CLEC9A: variants seen among roughly 807,000 people sequenced by gnomAD.
CLEC9A encodes the protein C-type lectin domain family 9 member A.
A neutral mutation model predicts 30.0 loss-of-function variants in CLEC9A; 24 were observed. That is an observed-to-expected ratio of 0.80 (90% confidence interval 0.58 to 1.13). The LOEUF is 1.13. Ranked by LOEUF, CLEC9A falls within the 50% of genes most tolerant of loss-of-function variation. The probability of loss-of-function intolerance (pLI) is 0.00; values close to 1 mark genes in which losing one functional copy is unlikely to be tolerated. For synonymous variants in CLEC9A, 111 were observed against 96.8 expected (o/e 1.15, Z -0.86); for missense variants, 251 against 280.9 (o/e 0.89, Z 0.76).
intron 5 of CLEC9A, among the ~76,000 whole-genome samples, chr12:10,056,200 A>G (rs749285873): frequency 6.6e-6 from 1 of 151,908 alleles, no homozygotes; most frequent in Non-Finnish European, 1.5e-5. Flanking sequence ...TGTTCCTAAG[A>G]TAGTGAATTA....
At chr12:10,032,529 T>G (rs1451766154) in intron 1 of CLEC9A, among the ~76,000 whole-genome samples, 7 of 151,756 alleles carry the variant, frequency 4.6e-5, no homozygotes, top group Non-Finnish European at 8.8e-5. Flanking sequence ...TAGCTGGGAC[T>G]AAAGGCACCC....
At chr12:10,057,853 TA>T (rs141641337) in intron 5 of CLEC9A, among the ~76,000 whole-genome samples, 120 of 152,228 alleles carry the variant, frequency 7.9e-4, no homozygotes, top group African/African-American at 2.8e-3. Flanking sequence ...ATTTTTGTAT[TA>T]AAAAATCTAT....
At chr12:10,051,290 T>G (rs1435630178) in intron 2 of CLEC9A, among the ~76,000 whole-genome samples, 1 of 152,166 alleles carries the variant, frequency 6.6e-6, no homozygotes, top group Non-Finnish European at 1.5e-5. Context: ...TTCTCTCAGT[T>G]CCAACCTGTG....
rs535280866 is a variant in CLEC9A, at chr12:10,036,518, T to G, written c.-317-4948T>G. 2.5e-4 allele frequency among the ~76,000 whole-genome samples: 38 copies of G among 152,334 alleles called. No individual in the cohort carries two copies. The South Asian group carries it at 7.5e-3, about 30-fold the overall frequency. On this transcript the variant is annotated intron_variant, in intron 1 of 8. Coordinates refer to ENST00000355819, the MANE Select transcript of CLEC9A (RefSeq NM_207345.4). ...GCTATGACCAATTACAAAATACTTC[T>G]TTTGTTTCTGTCTGCAGTCATAACA...
At chr12:10,043,237 G>T in intron 2 of CLEC9A, 2 of 361,790 alleles carry the variant, frequency 5.5e-6, no homozygotes, top group South Asian at 2.1e-5. Flanking sequence ...GCCAGGACTG[G>T]TTTAATTCAT....
rs574475783 is a variant in CLEC9A, at chr12:10,059,524, C to T, written c.173-1603C>T. Among the ~76,000 whole-genome samples the T allele has an allele frequency of 2.1e-4, 32 of 152,212 alleles. No individual in the cohort carries two copies. The South Asian group carries it at 6.2e-3, about 30-fold the overall frequency. On this transcript the variant is annotated intron_variant, in intron 5 of 8. Coordinates refer to ENST00000355819, the MANE Select transcript of CLEC9A (RefSeq NM_207345.4). ...TAAAGGTAGGCAAATAATTCTTAGA[C>T]TTACATTAAAAAATGGTTAATGAAA...
At chr12:10,054,779 G>A (rs984828900) in intron 5 of CLEC9A, among the ~76,000 whole-genome samples, 4 of 152,164 alleles carry the variant, frequency 2.6e-5, no homozygotes, top group South Asian at 2.1e-4. Flanking sequence ...AGCTTCGTTC[G>A]ACCACATTTA....
At chr12:10,047,673 T>A (rs1272622286) in intron 2 of CLEC9A, among the ~76,000 whole-genome samples, 1 of 152,226 alleles carries the variant, frequency 6.6e-6, no homozygotes, top group African/African-American at 2.4e-5. Context: ...ACACTAATTA[T>A]TTGGCTTCCT....
chr12:10,036,498 G>A (rs1408978534), intron 1 of CLEC9A, among the ~76,000 whole-genome samples: 1 of 152,146 alleles, frequency 6.6e-6, no homozygotes, highest in Non-Finnish European at 1.5e-5. Flanking sequence ...GAAAAGCTAT[G>A]ACCAATTACA....
chr12:10,041,626 A>G lies in CLEC9A; in HGVS notation c.-163+6A>G. On this transcript the variant is annotated splice_donor_region_variant and intron_variant, in intron 2 of 8. Coordinates refer to ENST00000355819, the MANE Select transcript of CLEC9A (RefSeq NM_207345.4). ...CTGACAACCAGAACATTCTGGTAAG[A>G]AGATTCTTATGTCAAATATTTTGGA... 1 of 530,832 alleles carries G rather than the reference A, an allele frequency of 1.9e-6. No homozygotes were observed. The highest frequency in any genetic ancestry group is 1.4e-5 in the South Asian group (1 of 72,090). The allele number at this position is 530,832 out of a possible 1,614,324, so 32.9% of individuals were successfully genotyped here.
chr12:10,032,107 T>A (rs1865702954), intron 1 of CLEC9A, among the ~76,000 whole-genome samples: 1 of 152,184 alleles, frequency 6.6e-6, no homozygotes, highest in African/African-American at 2.4e-5. Flanking sequence ...CAACATCCAA[T>A]GCTGGCAAGG....
At chr12:10,057,219 T>A (rs1055401002) in intron 5 of CLEC9A, among the ~76,000 whole-genome samples, 1 of 152,046 alleles carries the variant, frequency 6.6e-6, no homozygotes. Context: ...AAAAGTCATG[T>A]TTATTTTTTA....
At chr12:10,041,439 C>A in intron 1 of CLEC9A, 27 bp from the exon 2 acceptor site, 1 of 379,436 alleles carries the variant, frequency 2.6e-6, no homozygotes, top group Non-Finnish European at 5.2e-6. Context: ...AAAACAACAA[C>A]AACATTCCTG....
intron 6 of CLEC9A, among the ~76,000 whole-genome samples, chr12:10,062,010 C>A (rs1172989688): frequency 6.6e-6 from 1 of 152,208 alleles, no homozygotes; most frequent in African/African-American, 2.4e-5. Flanking sequence ...GTGTGCCCAA[C>A]CATGTTTCTC....
intron 1 of CLEC9A, among the ~76,000 whole-genome samples, chr12:10,040,168 A>T (rs576404320): frequency 1.4e-4 from 21 of 152,338 alleles, no homozygotes; most frequent in African/African-American, 4.6e-4. Context: ...TATGCATTTT[A>T]AAATAAATGA....
chr12:10,059,040 T>C (rs1482877008), intron 5 of CLEC9A, among the ~76,000 whole-genome samples: 2 of 152,236 alleles, frequency 1.3e-5, no homozygotes, highest in African/African-American at 4.8e-5. Flanking sequence ...AATTCACTAA[T>C]TAATTTTTCT....
intron 1 of CLEC9A, among the ~76,000 whole-genome samples, chr12:10,041,175 G>A (rs111323683): frequency 2.6e-5 from 4 of 152,108 alleles, no homozygotes; most frequent in African/African-American, 4.8e-5. Flanking sequence ...AAACCCGGGA[G>A]GTGAAGGTTG....
At chr12:10,054,517 A>T (rs1865923242) in intron 5 of CLEC9A, among the ~76,000 whole-genome samples, 166 bp downstream of exon 5, 1 of 152,218 alleles carries the variant, frequency 6.6e-6, no homozygotes, top group Admixed American at 6.5e-5. Context: ...CTTGGATGCC[A>T]CTGATAACTT....
At chr12:10,054,819 A>G (rs913574507) in intron 5 of CLEC9A, among the ~76,000 whole-genome samples, 5 of 152,208 alleles carry the variant, frequency 3.3e-5, no homozygotes, top group Admixed American at 1.3e-4. Flanking sequence ...CAAATAGAAG[A>G]CATACTTTTA....
Sources: allele counts gnomAD v4.1 joint callset (sites outside exome capture counted in the v4.1 genomes callset), GRCh38; gene constraint gnomAD v4.1.1; transcripts MANE v1.5; gene names NCBI Gene and HGNC (gene_info 2026-07-23, HGNC 2026-07-21).